XKR4: variants seen among roughly 807,000 people sequenced by gnomAD.
XKR4 encodes XK-related protein 4.
In XKR4, 12 loss-of-function variants were observed where a neutral mutation model predicts 53.9. That is an observed-to-expected ratio of 0.22 (90% confidence interval 0.14 to 0.36). XKR4 has a LOEUF of 0.36. XKR4 is among the 10% of genes least tolerant of loss of function. The pLI is 1.00. For synonymous variants in XKR4, 354 were observed against 362.4 expected (o/e 0.98, Z 0.26); for missense variants, 799 against 859.5 (o/e 0.93, Z 0.88).
intron 1 of XKR4, among the ~76,000 whole-genome samples, chr8:55,308,663 C>T (rs979468203): frequency 1.3e-5 from 2 of 152,094 alleles, no homozygotes; most frequent in Non-Finnish European, 2.9e-5. Flanking sequence ...GTATTTATAT[C>T]AGAAAAATGA....
intron 1 of XKR4, among the ~76,000 whole-genome samples, chr8:55,313,485 A>G (rs1819415265): frequency 6.6e-6 from 1 of 152,186 alleles, no homozygotes; most frequent in South Asian, 2.1e-4. Flanking sequence ...AAAGAGCACA[A>G]GTTACCCAGC....
chr8:55,129,451 C>G (rs186171482), intron 1 of XKR4, among the ~76,000 whole-genome samples: 121 of 152,284 alleles, frequency 7.9e-4, no homozygotes, highest in African/African-American at 2.7e-3. Flanking sequence ...ACAAACCATT[C>G]TCTTTACTAA....
At chr8:55,103,854 T>C (rs1485279622) in intron 1 of XKR4, among the ~76,000 whole-genome samples, 4 of 20,808 alleles carry the variant, frequency 1.9e-4, no homozygotes, top group Non-Finnish European at 3.5e-4. Flanking sequence ...TGACTTTGTA[T>C]ATATATATAT....
chr8:55,136,607 G>A (rs1400495171), intron 1 of XKR4, among the ~76,000 whole-genome samples: 4 of 152,150 alleles, frequency 2.6e-5, no homozygotes, highest in African/African-American at 4.8e-5. Flanking sequence ...ATAATAATTG[G>A]AAGAGTTAAA....
At chr8:55,360,283 T>C (rs912695360) in intron 2 of XKR4, among the ~76,000 whole-genome samples, 5 of 152,208 alleles carry the variant, frequency 3.3e-5, no homozygotes, top group African/African-American at 1.2e-4. Flanking sequence ...CACTCTGTGA[T>C]TCCTTTTGCA....
chr8:55,108,226 T>C (rs1223697625), intron 1 of XKR4, among the ~76,000 whole-genome samples: 1 of 152,090 alleles, frequency 6.6e-6, no homozygotes, highest in African/African-American at 2.4e-5. Context: ...GCAGGTTAAG[T>C]GCATGCTCTA....
chr8:55,182,971 T>G (rs537302511), intron 1 of XKR4, among the ~76,000 whole-genome samples: 3 of 152,198 alleles, frequency 2.0e-5, no homozygotes, highest in African/African-American at 4.8e-5. Flanking sequence ...ACGTTTGTAA[T>G]GAGCATTTTG....
intron 1 of XKR4, among the ~76,000 whole-genome samples, chr8:55,299,317 G>C (rs762432844): frequency 6.6e-6 from 1 of 152,166 alleles, no homozygotes; most frequent in African/African-American, 2.4e-5. Flanking sequence ...GAGGGAGCTT[G>C]TCACAGATGA....
intron 2 of XKR4, among the ~76,000 whole-genome samples, chr8:55,368,446 C>T (rs898035590): frequency 5.3e-5 from 8 of 152,170 alleles, no homozygotes; most frequent in African/African-American, 1.4e-4. Flanking sequence ...GTCTCTGAGA[C>T]AGGCCCTGGC....
chr8:55,229,883 T>C (rs1585953702), intron 1 of XKR4, among the ~76,000 whole-genome samples: 3 of 140,930 alleles, frequency 2.1e-5, no homozygotes, highest in East Asian at 2.3e-4. Context: ...TTTTTTTTTT[T>C]TTCTAATTCC....
chr8:55,176,538 C>T (rs921039726), intron 1 of XKR4, among the ~76,000 whole-genome samples: 3 of 152,148 alleles, frequency 2.0e-5, no homozygotes, highest in Admixed American at 6.5e-5. Flanking sequence ...AGAATAAAGT[C>T]GCTCTTTCTA....
At chr8:55,436,595 T>C (rs1353084471) in intron 2 of XKR4, among the ~76,000 whole-genome samples, 1 of 152,216 alleles carries the variant, frequency 6.6e-6, no homozygotes, top group Non-Finnish European at 1.5e-5. Flanking sequence ...AAGAGGACTT[T>C]TCTTCCTGTG....
chr8:55,268,437 C>T (rs150413122), intron 1 of XKR4, among the ~76,000 whole-genome samples: 1 of 152,128 alleles, frequency 6.6e-6, no homozygotes, highest in South Asian at 2.1e-4. Flanking sequence ...CAGCTTGCAA[C>T]TGATGTTGAT....
intron 2 of XKR4, among the ~76,000 whole-genome samples, chr8:55,391,374 G>A (rs891315699): frequency 1.1e-4 from 16 of 152,104 alleles, no homozygotes; most frequent in African/African-American, 3.9e-4. Flanking sequence ...CACCACTAAG[G>A]AACTAGTTGA....
intron 1 of XKR4, among the ~76,000 whole-genome samples, chr8:55,252,672 G>C (rs1016868286): frequency 6.6e-6 from 1 of 152,168 alleles, no homozygotes; most frequent in East Asian, 1.9e-4. Flanking sequence ...ACACTGCCTC[G>C]ATGGCCATAT....
chr8:55,446,335 T>A (rs1805346288), intron 2 of XKR4, among the ~76,000 whole-genome samples: 1 of 152,120 alleles, frequency 6.6e-6, no homozygotes, highest in Non-Finnish European at 1.5e-5. Context: ...TCAAAAACTT[T>A]AACTGACTGA....
chr8:55,245,221 T>G (rs1818269235), intron 1 of XKR4, among the ~76,000 whole-genome samples: 1 of 152,114 alleles, frequency 6.6e-6, no homozygotes, highest in East Asian at 1.9e-4. Context: ...GCCTACTTTT[T>G]AATGGGCTTG....
intron 1 of XKR4, among the ~76,000 whole-genome samples, chr8:55,233,386 C>CTTT (rs34681134): frequency 6.7e-6 from 1 of 148,642 alleles, no homozygotes; most frequent in African/African-American, 2.5e-5. Context: ...GCCATCTGAT[C>CTTT]TTTTTTTTTT....
chr8:55,334,347 G>A (rs1009095882), intron 1 of XKR4, among the ~76,000 whole-genome samples: 1 of 152,166 alleles, frequency 6.6e-6, no homozygotes, highest in African/African-American at 2.4e-5. Flanking sequence ...ACTGGCATAA[G>A]TGCACATATT....
Sources: gnomAD v4.1 joint callset for allele counts (sites outside exome capture counted in the v4.1 genomes callset) on GRCh38, gnomAD v4.1.1 for gene constraint, MANE v1.5 for transcripts, NCBI Gene and HGNC (gene_info 2026-07-23, HGNC 2026-07-21) for gene names.